Variants in GPHN observed in about 807,000 individuals in gnomAD.
GPHN encodes gephyrin.
GPHN carries 17 observed loss-of-function variants against 95.5 expected under a neutral mutation model. That is an observed-to-expected ratio of 0.18 (90% CI 0.12 to 0.27). The LOEUF (loss-of-function observed/expected upper bound fraction) is 0.27. Ranked by LOEUF, GPHN falls within the 10% of genes least tolerant of loss-of-function variation. The pLI, the probability that GPHN is intolerant of heterozygous loss-of-function variation, is 1.00. For missense variants in GPHN, 660 were observed against 978.1 expected, an observed-to-expected ratio of 0.67 and a Z score of 4.34; for synonymous variants, 320 against 322.5, an observed-to-expected ratio of 0.99 and a Z score of 0.08.
chr14:66,986,249 G>T (rs1447252437), intron 9 of GPHN, among the ~76,000 whole-genome samples: 2 of 152,026 alleles, frequency 1.3e-5, no homozygotes, highest in Non-Finnish European at 2.9e-5. Flanking sequence ...TTGAAAGAAA[G>T]AAATTTTATG....
chr14:67,124,707 T>G (rs2079197912), intron 17 of GPHN, among the ~76,000 whole-genome samples: 2 of 152,198 alleles, frequency 1.3e-5, no homozygotes. Context: ...TCTAAGTGCG[T>G]TAATGAGCTC....
At chr14:66,509,039 C>G (rs373963479) in intron 1 of GPHN, 4 of 233,232 alleles carry the variant, frequency 1.7e-5, no homozygotes, top group East Asian at 2.4e-4. Context: ...CCCTTCCCCC[C>G]ACCTGGGCGG....
the GPHN span, among the ~76,000 whole-genome samples, chr14:67,536,993 T>C: frequency 6.7e-6 from 1 of 150,150 alleles, no homozygotes; most frequent in Non-Finnish European, 1.5e-5. Flanking sequence ...TGAGCCGAGA[T>C]TGCACCATTG....
intron 10 of GPHN, among the ~76,000 whole-genome samples, 159 bp downstream of exon 10, chr14:67,023,834 A>C (rs539709300): frequency 1.3e-5 from 2 of 152,314 alleles, no homozygotes; most frequent in East Asian, 1.9e-4. Flanking sequence ...CAGTATCAAT[A>C]CATTAATAAA....
At chr14:67,278,838 AG>A in the GPHN span, among the ~76,000 whole-genome samples, 3 of 152,106 alleles carry the variant, frequency 2.0e-5, no homozygotes, top group South Asian at 4.2e-4. Context: ...TTTTTGGGGG[AG>A]GGGGGAATCT....
chr14:67,171,987 A>G (rs2082627774), intron 21 of GPHN, among the ~76,000 whole-genome samples: 1 of 152,180 alleles, frequency 6.6e-6, no homozygotes, highest in South Asian at 2.1e-4. Context: ...AACTGCCTGG[A>G]GTCCACAGAG....
chr14:66,860,515 G>A (rs1000680768), intron 4 of GPHN, among the ~76,000 whole-genome samples: 6 of 151,918 alleles, frequency 3.9e-5, no homozygotes, highest in African/African-American at 1.4e-4. Flanking sequence ...TAAAGAAAAG[G>A]ATGCTAATGA....
intron 5 of GPHN, among the ~76,000 whole-genome samples, chr14:66,889,045 ATTATAC>A (rs1490951212): frequency 1.3e-5 from 2 of 152,190 alleles, no homozygotes; most frequent in East Asian, 1.9e-4. Context: ...GCACAGTAAT[ATTATAC>A]TTATAAACAT....
At chr14:67,121,835 T>A (rs1179485123) in intron 16 of GPHN, among the ~76,000 whole-genome samples, 5 of 152,170 alleles carry the variant, frequency 3.3e-5, no homozygotes, top group African/African-American at 1.2e-4. Flanking sequence ...AAAGAAAAGA[T>A]AAACTATTAT....
At chr14:67,376,646 T>A in the GPHN span, 3 of 1,564,386 alleles carry the variant, frequency 1.9e-6, no homozygotes, top group Non-Finnish European at 2.6e-6. Context: ...CTTGGCCTGA[T>A]ATTTAACAGC....
At chr14:67,703,425 A>T in the GPHN span, among the ~76,000 whole-genome samples, 1 of 152,246 alleles carries the variant, frequency 6.6e-6, no homozygotes, top group Non-Finnish European at 1.5e-5. Flanking sequence ...TAAGAAAAAC[A>T]AAATTTCTAA....
intron 4 of GPHN, among the ~76,000 whole-genome samples, chr14:66,847,748 A>G (rs1257033555): frequency 6.6e-6 from 1 of 152,110 alleles, no homozygotes; most frequent in African/African-American, 2.4e-5. Context: ...AGGTTTCCAT[A>G]AAATGAAGTG....
chr14:67,197,302 G>C, the GPHN span: 1 of 152,154 alleles, frequency 6.6e-6, no homozygotes, highest in Non-Finnish European at 1.5e-5. Flanking sequence ...AGCTCAAACT[G>C]AAGTGAGTTA....
intron 1 of GPHN, among the ~76,000 whole-genome samples, chr14:66,582,575 C>T (rs1162472998): frequency 6.6e-6 from 1 of 151,836 alleles, no homozygotes; most frequent in Non-Finnish European, 1.5e-5. Flanking sequence ...TGATGTTCCC[C>T]TTCCTGTGTC....
chr14:67,068,665 T>C (rs1455487504), intron 11 of GPHN, among the ~76,000 whole-genome samples: 1 of 152,222 alleles, frequency 6.6e-6, no homozygotes, highest in Admixed American at 6.5e-5. Flanking sequence ...AGCTTTTTTA[T>C]TTAAGATTAC....
chr14:66,726,913 A>T (rs973077034), intron 2 of GPHN, among the ~76,000 whole-genome samples: 3 of 152,180 alleles, frequency 2.0e-5, no homozygotes, highest in African/African-American at 7.2e-5. Context: ...TACGAATATA[A>T]GGTATATATG....
chr14:67,560,174 C>T, the GPHN span, among the ~76,000 whole-genome samples: 2 of 152,128 alleles, frequency 1.3e-5, no homozygotes, highest in African/African-American at 2.4e-5. Context: ...GTTACAGGCA[C>T]GCACCACCAT....
the GPHN span, among the ~76,000 whole-genome samples, chr14:67,240,904 T>A: frequency 0.012 from 1,898 of 152,286 alleles, 19 homozygotes; most frequent in Non-Finnish European, 0.018. Context: ...TGTCATTTTT[T>A]AAAAAAAACA....
the GPHN span, among the ~76,000 whole-genome samples, chr14:67,547,247 G>A: frequency 6.6e-6 from 1 of 152,162 alleles, no homozygotes; most frequent in African/African-American, 2.4e-5. Flanking sequence ...CATGGGGTGG[G>A]AGACTTAAGA....
Sources: allele counts gnomAD v4.1 joint callset (sites outside exome capture counted in the v4.1 genomes callset), GRCh38; gene constraint gnomAD v4.1.1; transcripts MANE v1.5; gene names NCBI Gene and HGNC (gene_info 2026-07-23, HGNC 2026-07-21).